Variants in GALNTL6 observed in about 807,000 individuals in gnomAD.
GALNTL6 encodes the protein polypeptide N-acetylgalactosaminyltransferase-like 6.
Under a neutral mutation model 73.7 loss-of-function variants are expected in GALNTL6, and 46 were observed. The observed-to-expected ratio is 0.62, with a 90% CI of 0.49 to 0.80. The LOEUF (loss-of-function observed/expected upper bound fraction) is 0.80. Among genes scored for constraint, GALNTL6 ranks in the 30% least tolerant of loss-of-function variants. GALNTL6 has a pLI of 0.00. For synonymous variants in GALNTL6, 259 were observed against 263.7 expected (o/e 0.98, Z 0.17); for missense variants, 604 against 755.0 (o/e 0.80, Z 2.34).
chr4:172,951,563 G>C (rs767996343), intron 9 of GALNTL6, among the ~76,000 whole-genome samples: 1 of 152,170 alleles, frequency 6.6e-6, no homozygotes, highest in African/African-American at 2.4e-5. Context: ...ACAAATGCTC[G>C]GTGATCTCTC....
rs2610207 is a variant in GALNTL6, at chr4:172,893,345, C to T, written c.1041+10438C>T. 9.7e-3 allele frequency among the ~76,000 whole-genome samples: 1,067 copies of T among 110,212 alleles called. 20 individuals are homozygous for T. Among genetic ancestry groups the T allele is most frequent in the African/African-American group, 0.032 (995 of 31,406 alleles). The allele number at this position is 110,212 out of a possible 152,430, so 72.3% of individuals were successfully genotyped here. The stretch of plus-strand genomic sequence containing the variant: ...ACTCTTCTAAGTGTTCTGAGAGTGG[C>T]GGGGGGGGGGTCTTCCCCTTCTCAA... On this transcript the variant is annotated intron_variant, in intron 8 of 12. Transcript: ENST00000506823.
At chr4:172,582,883 A>T (rs1426331120) in intron 5 of GALNTL6, among the ~76,000 whole-genome samples, 3 of 152,194 alleles carry the variant, frequency 2.0e-5, no homozygotes, top group African/African-American at 7.2e-5. Context: ...AACATGCATT[A>T]AAAAGTCTGC....
chr4:172,199,744 T>TTTG (rs930504853), intron 2 of GALNTL6, among the ~76,000 whole-genome samples: 4 of 152,134 alleles, frequency 2.6e-5, no homozygotes, highest in African/African-American at 7.2e-5. Flanking sequence ...TGAAAGATTT[T>TTTG]TTGTTGTTGT....
At chr4:172,701,407 A>G (rs948312653) in intron 5 of GALNTL6, among the ~76,000 whole-genome samples, 1 of 152,138 alleles carries the variant, frequency 6.6e-6, no homozygotes, top group Non-Finnish European at 1.5e-5. Context: ...TCAGTTACAG[A>G]ATCTAAGAAA....
At chr4:172,665,742 T>C (rs1028109847) in intron 5 of GALNTL6, among the ~76,000 whole-genome samples, 1 of 152,226 alleles carries the variant, frequency 6.6e-6, no homozygotes, top group Non-Finnish European at 1.5e-5. Context: ...TGAACTCAAC[T>C]ATTTATTATA....
At chr4:172,702,077 C>T (rs1278628831) in intron 5 of GALNTL6, among the ~76,000 whole-genome samples, 2 of 152,046 alleles carry the variant, frequency 1.3e-5, no homozygotes, top group East Asian at 1.9e-4. Flanking sequence ...ATGAAATGAT[C>T]AAGCAGTCAG....
At chr4:171,955,079 T>C (rs934853743) in intron 2 of GALNTL6, among the ~76,000 whole-genome samples, 10 of 152,138 alleles carry the variant, frequency 6.6e-5, no homozygotes, top group African/African-American at 2.2e-4. Context: ...AAATATCTGA[T>C]TACTTAATGA....
intron 6 of GALNTL6, among the ~76,000 whole-genome samples, chr4:172,811,297 G>A (rs548782894): frequency 1.3e-5 from 2 of 152,284 alleles, no homozygotes; most frequent in Admixed American, 1.3e-4. Context: ...ACCTAAGCTA[G>A]GACAGCTGGA....
At chr4:172,206,139 A>T (rs938415235) in intron 2 of GALNTL6, among the ~76,000 whole-genome samples, 13 of 152,108 alleles carry the variant, frequency 8.5e-5, no homozygotes, top group South Asian at 4.1e-4. Context: ...TAGTGAGAAA[A>T]CATTTAAACA....
At position 172,631,524 on chromosome 4, in the gene GALNTL6, C is replaced by T. The variant is rs187290021; in HGVS notation, c.554-177837C>T. On this transcript the variant is annotated intron_variant, in intron 5 of 12. Coordinates refer to ENST00000506823, the MANE Select transcript of GALNTL6 (RefSeq NM_001034845.3). The stretch of plus-strand genomic sequence containing the variant: ...ATATCAGTTGTTAATGTTTTTCCGA[C>T]TGTCAATATCATTATTTAACTACTT... Among the ~76,000 whole-genome samples, 21 of 152,320 alleles carry T rather than the reference C, an allele frequency of 1.4e-4. No individual in the cohort carries two copies. The East Asian group carries it at 3.3e-3, about 24-fold the overall frequency.
intron 2 of GALNTL6, among the ~76,000 whole-genome samples, chr4:172,030,199 A>C (rs1056643716): frequency 6.6e-6 from 1 of 152,144 alleles, no homozygotes; most frequent in African/African-American, 2.4e-5. Context: ...GAGCCATGTT[A>C]CATATTTAGG....
intron 2 of GALNTL6, among the ~76,000 whole-genome samples, chr4:172,096,080 C>CGG (rs2110950502): frequency 1.9e-5 from 1 of 52,678 alleles, no homozygotes; most frequent in Admixed American, 2.5e-4. Flanking sequence ...CTCTCTCTCT[C>CGG]TTTCTGTGTG....
At chr4:172,367,688 CT>C (rs550913278) in intron 5 of GALNTL6, among the ~76,000 whole-genome samples, 24 of 152,258 alleles carry the variant, frequency 1.6e-4, no homozygotes, top group African/African-American at 5.5e-4. Context: ...AGGAATTGTG[CT>C]AATTTTTTAA....
At chr4:172,079,833 CTT>C (rs201150849) in intron 2 of GALNTL6, among the ~76,000 whole-genome samples, 1 of 148,190 alleles carries the variant, frequency 6.7e-6, no homozygotes, top group African/African-American at 2.5e-5. Flanking sequence ...GAACACAACA[CTT>C]TTTTTTTTAC....
At chr4:171,909,200 G>T (rs1737400734) in intron 2 of GALNTL6, among the ~76,000 whole-genome samples, 1 of 150,118 alleles carries the variant, frequency 6.7e-6, no homozygotes, top group Non-Finnish European at 1.5e-5. Flanking sequence ...AAAATGAGGT[G>T]AAAGCTAAGG....
intron 2 of GALNTL6, among the ~76,000 whole-genome samples, chr4:172,184,781 G>A (rs1389420889): frequency 6.6e-6 from 1 of 152,178 alleles, no homozygotes; most frequent in Non-Finnish European, 1.5e-5. Flanking sequence ...TCAAGATCGA[G>A]GGATTGGCAT....
intron 2 of GALNTL6, among the ~76,000 whole-genome samples, chr4:171,829,603 T>C (rs1406627437): frequency 6.6e-6 from 1 of 152,154 alleles, no homozygotes; most frequent in South Asian, 2.1e-4. Flanking sequence ...CTGGTTAATT[T>C]CTACTTTTCG....
At chr4:172,653,872 T>C (rs1284884507) in intron 5 of GALNTL6, among the ~76,000 whole-genome samples, 1 of 152,242 alleles carries the variant, frequency 6.6e-6, no homozygotes, top group Non-Finnish European at 1.5e-5. Flanking sequence ...TAATTGTATC[T>C]ACAAAACTTG....
At chr4:172,829,701 A>G (rs1320986561) in intron 7 of GALNTL6, among the ~76,000 whole-genome samples, 1 of 152,212 alleles carries the variant, frequency 6.6e-6, no homozygotes, top group African/African-American at 2.4e-5. Flanking sequence ...TAGATTTCTA[A>G]CTTCCTGATG....
Sources: allele counts gnomAD v4.1 joint callset (sites outside exome capture counted in the v4.1 genomes callset), GRCh38; gene constraint gnomAD v4.1.1; transcripts MANE v1.5; gene names NCBI Gene and HGNC (gene_info 2026-07-23, HGNC 2026-07-21).